The following PCNX2 variants were observed in gnomAD, a reference collection of about 807,000 sequenced individuals.
PCNX2 encodes the protein pecanex 2, also known as pecanex-like protein 2.
Under a neutral mutation model 223.8 loss-of-function variants are expected in PCNX2, and 168 were observed. The observed-to-expected ratio is 0.75, with a 90% CI of 0.66 to 0.85. PCNX2 has a LOEUF of 0.85. Ranked by LOEUF, PCNX2 falls within the 40% of genes least tolerant of loss-of-function variation. PCNX2 has a pLI of 0.00. For missense variants in PCNX2, 2,507 were observed against 2,675.5 expected (o/e 0.94, Z 1.39); for synonymous variants, 1,006 against 1,052.6 (o/e 0.96, Z 0.86).
chr1:233,073,820 T>C (rs1260403218), intron 23 of PCNX2, among the ~76,000 whole-genome samples: 1 of 152,178 alleles, frequency 6.6e-6, no homozygotes, highest in Non-Finnish European at 1.5e-5. Context: ...TATCACTATG[T>C]TGCCCAGGCT....
At chr1:233,317,450 C>CA in the PCNX2 span, among the ~76,000 whole-genome samples, 29 of 151,668 alleles carry the variant, frequency 1.9e-4, no homozygotes, top group Middle Eastern at 0.01. Context: ...CAAACCAAAA[C>CA]AAAAAAAACT....
intron 21 of PCNX2, among the ~76,000 whole-genome samples, chr1:233,102,699 C>T (rs1188387349): frequency 6.6e-6 from 1 of 151,982 alleles, no homozygotes; most frequent in Non-Finnish European, 1.5e-5. Flanking sequence ...TTGCCCATTT[C>T]TAAATTGTTA....
intron 25 of PCNX2, among the ~76,000 whole-genome samples, chr1:233,046,526 G>C (rs969938007): frequency 3.9e-5 from 6 of 152,118 alleles, no homozygotes; most frequent in Non-Finnish European, 7.4e-5. Context: ...ACTGAACTGG[G>C]TTTAAAAAAA....
rs78846637 is a variant in PCNX2 at position 233,290,313 on chromosome 1, C to T, written c.153+5013G>A. Among the ~76,000 whole-genome samples, 1,213 of 152,082 alleles carry T rather than the reference C, an allele frequency of 8.0e-3. 7 individuals carry two copies. The highest frequency in any genetic ancestry group is 0.013 in the Admixed American group (206 of 15,280). ...GTGAAATATGTAGGAAGAAACAGACCGATGTGTGCAGTTTACTTTGAAATG... is the reference window on the plus strand; with the variant it reads ...GTGAAATATGTAGGAAGAAACAGACTGATGTGTGCAGTTTACTTTGAAATG... On this transcript the variant is annotated intron_variant, in intron 1 of 33. Transcript: ENST00000258229.
intron 10 of PCNX2, among the ~76,000 whole-genome samples, chr1:233,221,270 A>T (rs2102935446): frequency 6.6e-6 from 1 of 152,164 alleles, no homozygotes; most frequent in Admixed American, 6.5e-5. Flanking sequence ...TCCACTGTGC[A>T]CTTTTAATAG....
chr1:232,986,033 G>T (rs1274421516), intron 33 of PCNX2, 59 bp downstream of exon 33: 1 of 1,533,598 alleles, frequency 6.5e-7, no homozygotes, highest in Non-Finnish European at 8.8e-7. Flanking sequence ...GCCACGCTCA[G>T]GCCAGGAGCC....
intron 21 of PCNX2, among the ~76,000 whole-genome samples, chr1:233,129,306 G>T (rs1307075634): frequency 1.3e-5 from 2 of 152,212 alleles, no homozygotes; most frequent in Non-Finnish European, 2.9e-5. Context: ...CACCGGTGCT[G>T]CCCTCGATTT....
At position 233,000,268 on chromosome 1, in the gene PCNX2, G is replaced by A. The variant is rs371987429; in HGVS notation, c.5328+37C>T. ...TATTTCTTCTCAGATAGAGAGACAC[G>A]AGCCAACAGGGGACCCAGAAAGTGT... On this transcript the variant is annotated intron_variant, in intron 30 of 33. Transcript: ENST00000258229. The surrounding 1 kb of genome is among the most constrained non-coding windows in gnomAD (Gnocchi z 4.6). The A allele has an allele frequency of 9.5e-5, 151 of 1,587,884 alleles. No homozygotes were observed. The highest frequency in any genetic ancestry group is 1.2e-4 in the Non-Finnish European group (142 of 1,156,652).
chr1:233,008,625 T>G (rs1670364799), intron 28 of PCNX2, among the ~76,000 whole-genome samples: 1 of 152,138 alleles, frequency 6.6e-6, no homozygotes, highest in South Asian at 2.1e-4. Context: ...CACCCCAGTG[T>G]CCAGTGTTCA....
chr1:233,240,546 C>T (rs538896555), intron 8 of PCNX2, among the ~76,000 whole-genome samples: 1 of 152,326 alleles, frequency 6.6e-6, no homozygotes, highest in Admixed American at 6.5e-5. Flanking sequence ...GTACACGATA[C>T]TTAGCACATC....
At chr1:233,186,821 G>T (rs1194364073) in intron 15 of PCNX2, among the ~76,000 whole-genome samples, 2 of 152,136 alleles carry the variant, frequency 1.3e-5, no homozygotes, top group Non-Finnish European at 2.9e-5. Flanking sequence ...TAGTTAGCTG[G>T]CAAGACAGAA....
chr1:233,131,533 C>T lies in PCNX2; in HGVS notation c.3837+3480G>A, dbSNP rs760865765. 1.6e-4 allele frequency among the ~76,000 whole-genome samples: 25 copies of T among 152,172 alleles called. 1 individual carries two copies. The highest frequency in any genetic ancestry group is 2.8e-4 in the Non-Finnish European group (19 of 68,036). ...CACTGGCTTTTTTCCAGGAAAATCA[C>T]AAACACTCTCTTTCTTTCACTATAT... On this transcript the variant is annotated intron_variant, in intron 21 of 33. Transcript: ENST00000258229.
At chr1:233,167,595 G>T in intron 17 of PCNX2, 1 of 420,108 alleles carries the variant, frequency 2.4e-6, no homozygotes, top group Non-Finnish European at 3.2e-6. Flanking sequence ...GGGTAACTAT[G>T]CGAGATGATG....
chr1:233,292,927 T>C (rs181226793), intron 1 of PCNX2, among the ~76,000 whole-genome samples: 1 of 152,344 alleles, frequency 6.6e-6, no homozygotes, highest in Admixed American at 6.5e-5. Flanking sequence ...TGGGCATATC[T>C]GTTTTTTTTT....
At chr1:233,218,708 C>T (rs185628497) in intron 10 of PCNX2, among the ~76,000 whole-genome samples, 2 of 152,228 alleles carry the variant, frequency 1.3e-5, no homozygotes, top group East Asian at 1.9e-4. Context: ...CAACTTAATA[C>T]CAGATTTTTG....
rs1047152477 is a variant in PCNX2, at chr1:233,057,501, G to T, written c.4077-211C>A. 3 of 526,274 alleles carry T rather than the reference G, an allele frequency of 5.7e-6. No homozygotes were observed. The African/African-American group carries it at 5.8e-5, about 10-fold the overall frequency. 32.6% of individuals were successfully genotyped at this position (526,274 alleles called of 1,614,324 possible). On this transcript the variant is annotated intron_variant, in intron 23 of 33. Transcript: ENST00000258229. Reference sequence around the variant, plus strand: ...GTACAAGAAACACATGGAAGGGAGAGATGAGTAGCTCTCTGATTTGGAGAG... The same window carrying T: ...GTACAAGAAACACATGGAAGGGAGATATGAGTAGCTCTCTGATTTGGAGAG...
chr1:233,055,564 G>A lies in PCNX2; in HGVS notation c.4136-1081C>T, dbSNP rs1346077120. On this transcript the variant is annotated intron_variant, in intron 24 of 33. Transcript: ENST00000258229. ...TTTTAAAGAGAAGATTGGATAACAT[G>A]GGAAGTCTTCCTGGTCTGTGGTCCT... Among the ~76,000 whole-genome samples the A allele has an allele frequency of 2.0e-5, 3 of 152,148 alleles. No individual in the cohort carries two copies. In the East Asian group the frequency reaches 5.8e-4, roughly 29 times the overall value.
intron 13 of PCNX2, among the ~76,000 whole-genome samples, chr1:233,203,754 G>A (rs1260695136): frequency 2.6e-5 from 4 of 152,056 alleles, no homozygotes; most frequent in East Asian, 1.9e-4. Flanking sequence ...GACTGGCCTC[G>A]CTCCTTGACT....
At chr1:233,089,034 A>G (rs77877553) in intron 23 of PCNX2, among the ~76,000 whole-genome samples, 2,645 of 152,284 alleles carry the variant, frequency 0.017, 30 homozygotes, top group East Asian at 0.042. Context: ...CTGTGTTCTA[A>G]TCCCTAAGCC....
Sources: gnomAD v4.1 joint callset for allele counts (sites outside exome capture counted in the v4.1 genomes callset) on GRCh38, gnomAD v4.1.1 for gene constraint, Gnocchi (gnomAD v3.1) non-coding constraint, MANE v1.5 for transcripts, NCBI Gene and HGNC (gene_info 2026-07-23, HGNC 2026-07-21) for gene names.